L3MBTL4: variants seen among roughly 807,000 people sequenced by gnomAD.
L3MBTL4 encodes lethal(3)malignant brain tumor-like protein 4.
Under a neutral mutation model 84.5 loss-of-function variants are expected in L3MBTL4, and 70 were observed. The observed-to-expected ratio is 0.83, with a 90% CI of 0.68 to 1.01. L3MBTL4 has a LOEUF of 1.01. Ranked by LOEUF, L3MBTL4 falls within the 50% of genes least tolerant of loss-of-function variation. The probability of loss-of-function intolerance (pLI) is 0.00; values close to 1 mark genes in which losing one functional copy is unlikely to be tolerated. For missense variants in L3MBTL4, 715 were observed against 754.8 expected (o/e 0.95, Z 0.62); for synonymous variants, 274 against 259.8 (o/e 1.05, Z -0.52).
At chr18:5,979,683 T>C (rs369332089) in intron 16 of L3MBTL4, among the ~76,000 whole-genome samples, 72 of 152,284 alleles carry the variant, frequency 4.7e-4, no homozygotes, top group African/African-American at 1.6e-3. Context: ...TGCCTGTACA[T>C]TCCTGTTTAG....
At chr18:6,035,242 G>A (rs1444765525) in intron 16 of L3MBTL4, among the ~76,000 whole-genome samples, 2 of 151,868 alleles carry the variant, frequency 1.3e-5, no homozygotes, top group African/African-American at 4.8e-5. Flanking sequence ...GTCCTGAATG[G>A]TAATGCCTAG....
At chr18:6,415,054 T>G (rs1159278040), upstream of L3MBTL4, 1 of 152,142 alleles carries the variant, frequency 6.6e-6, no homozygotes, top group East Asian at 1.9e-4. Flanking sequence ...CCCGCCGAGG[T>G]CGGGGCTTTC....
intron 16 of L3MBTL4, among the ~76,000 whole-genome samples, chr18:6,064,011 T>A (rs1195868241): frequency 6.6e-6 from 1 of 152,176 alleles, no homozygotes; most frequent in Non-Finnish European, 1.5e-5. Context: ...AAGTTTTTGA[T>A]CTATCTTGAG....
chr18:6,186,164 C>G (rs1191164973), intron 12 of L3MBTL4, among the ~76,000 whole-genome samples: 1 of 151,928 alleles, frequency 6.6e-6, no homozygotes, highest in Admixed American at 6.6e-5. Context: ...AGGTGCCCAC[C>G]ACCATGCCTG....
At chr18:6,230,282 T>C (rs1209436778) in intron 10 of L3MBTL4, among the ~76,000 whole-genome samples, 1 of 152,078 alleles carries the variant, frequency 6.6e-6, no homozygotes, top group Admixed American at 6.6e-5. Flanking sequence ...TTTATTTCTG[T>C]CCATGTATAC....
At chr18:6,211,650 CTT>C (rs764185744) in intron 12 of L3MBTL4, among the ~76,000 whole-genome samples, 21 of 142,334 alleles carry the variant, frequency 1.5e-4, no homozygotes, top group Admixed American at 2.8e-4. Context: ...AAATGAAATA[CTT>C]TTTTTTTTTT....
At chr18:6,324,587 C>T (rs1217145994) in intron 1 of L3MBTL4, among the ~76,000 whole-genome samples, 1 of 152,210 alleles carries the variant, frequency 6.6e-6, no homozygotes, top group Non-Finnish European at 1.5e-5. Context: ...GGGTGTGCAG[C>T]TTGTTTTCAG....
intron 12 of L3MBTL4, among the ~76,000 whole-genome samples, chr18:6,186,007 T>A (rs944321071): frequency 1.3e-5 from 2 of 148,766 alleles, no homozygotes; most frequent in African/African-American, 5.0e-5. Context: ...ATTTTATATT[T>A]TATTTTATTT....
intron 14 of L3MBTL4, among the ~76,000 whole-genome samples, chr18:6,113,987 T>C (rs140205165): frequency 6.6e-6 from 1 of 152,322 alleles, no homozygotes; most frequent in African/African-American, 2.4e-5. Context: ...CCTTCCTCCT[T>C]TTGCTTTCTT....
chr18:6,292,930 TC>T (rs1050285052), intron 4 of L3MBTL4, among the ~76,000 whole-genome samples: 7 of 151,828 alleles, frequency 4.6e-5, no homozygotes, highest in African/African-American at 1.7e-4. Context: ...GCTTGCCAGT[TC>T]CCCAAAACTT....
chr18:6,312,959 T>C (rs1166920381), intron 1 of L3MBTL4, among the ~76,000 whole-genome samples: 1 of 152,154 alleles, frequency 6.6e-6, no homozygotes, highest in African/African-American at 2.4e-5. Flanking sequence ...TTTTTCAACT[T>C]ATCTAATTTG....
intron 4 of L3MBTL4, among the ~76,000 whole-genome samples, chr18:6,278,417 T>C (rs2049180634): frequency 6.6e-6 from 1 of 152,194 alleles, no homozygotes; most frequent in Admixed American, 6.5e-5. Context: ...TATCACTGAA[T>C]TTTACATTAC....
intron 14 of L3MBTL4, among the ~76,000 whole-genome samples, chr18:6,097,474 G>T (rs765088536): frequency 2.0e-5 from 3 of 152,182 alleles, no homozygotes; most frequent in Non-Finnish European, 4.4e-5. Context: ...CTGGACCCCT[G>T]CATTTTGGGT....
chr18:6,156,250 G>T (rs532534643), intron 13 of L3MBTL4, among the ~76,000 whole-genome samples: 7 of 152,296 alleles, frequency 4.6e-5, no homozygotes, highest in Admixed American at 2.0e-4. Flanking sequence ...AGTGTTCACA[G>T]GACTATCTCT....
intron 15 of L3MBTL4, among the ~76,000 whole-genome samples, chr18:6,088,149 T>C (rs767408079): frequency 2.6e-5 from 4 of 152,222 alleles, no homozygotes; most frequent in Non-Finnish European, 4.4e-5. Context: ...TGCTGATATG[T>C]GGTGTGGACC....
intron 16 of L3MBTL4, among the ~76,000 whole-genome samples, chr18:5,978,016 T>C (rs78769937): frequency 0.026 from 3,937 of 152,270 alleles, 138 homozygotes; most frequent in East Asian, 0.097. Context: ...TGGCAGAGCG[T>C]GAACCTGACA....
At chr18:5,978,874 G>A (rs939995088) in intron 16 of L3MBTL4, among the ~76,000 whole-genome samples, 1 of 152,202 alleles carries the variant, frequency 6.6e-6, no homozygotes, top group Non-Finnish European at 1.5e-5. Context: ...AGCCTGAGCA[G>A]GTCTGCGTGC....
intron 18 of L3MBTL4, among the ~76,000 whole-genome samples, chr18:5,958,005 AAGG>A (rs930999100): frequency 7.0e-5 from 8 of 115,036 alleles, no homozygotes; most frequent in African/African-American, 1.9e-4. Context: ...AAGGAAGGAG[AAGG>A]AGGAGGAGGA....
chr18:6,270,514 T>C (rs2048820810), intron 4 of L3MBTL4, among the ~76,000 whole-genome samples: 1 of 152,136 alleles, frequency 6.6e-6, no homozygotes, highest in Non-Finnish European at 1.5e-5. Flanking sequence ...CAAGTGCTAA[T>C]ATGCACAGTT....
Sources: allele counts gnomAD v4.1 joint callset (sites outside exome capture counted in the v4.1 genomes callset), GRCh38; gene constraint gnomAD v4.1.1; transcripts MANE v1.5; gene names NCBI Gene and HGNC (gene_info 2026-07-23, HGNC 2026-07-21).